The following PVT1 variants were observed in gnomAD, a reference collection of about 807,000 sequenced individuals.
PVT1 encodes CXCR4/PVT1 fusion.
At chr8:127,906,435 T>A (rs1173916635) in intron 3 of PVT1, among the ~76,000 whole-genome samples, 1 of 152,224 alleles carries the variant, frequency 6.6e-6, no homozygotes, top group African/African-American at 2.4e-5. Context: ...GCATTTTACA[T>A]CTTCCTGAGG....
At chr8:128,041,610 G>T (rs1185222491) in intron 4 of PVT1, among the ~76,000 whole-genome samples, 1 of 88,802 alleles carries the variant, frequency 1.1e-5, no homozygotes, top group Non-Finnish European at 2.5e-5. Context: ...ACATGTGTTT[G>T]GTGTGTGTGT....
chr8:127,948,961 T>C (rs1586450733), intron 3 of PVT1, among the ~76,000 whole-genome samples: 1 of 152,200 alleles, frequency 6.6e-6, no homozygotes, highest in African/African-American at 2.4e-5. Context: ...CCTCACAGGC[T>C]GTGGTAAGAG....
chr8:127,957,155 C>G (rs1468102460), intron 3 of PVT1, among the ~76,000 whole-genome samples: 1 of 152,052 alleles, frequency 6.6e-6, no homozygotes, highest in Non-Finnish European at 1.5e-5. Flanking sequence ...AGTCACTTGC[C>G]CCAGGTTGCA....
At chr8:128,097,728 A>T (rs78767029) in intron 6 of PVT1, among the ~76,000 whole-genome samples, 4,225 of 152,268 alleles carry the variant, frequency 0.028, 72 homozygotes, top group Non-Finnish European at 0.035. Context: ...CTGAGAATCT[A>T]TTAAGTAACA....
chr8:127,902,185 C>T (rs1020759865), intron 3 of PVT1, among the ~76,000 whole-genome samples: 7 of 152,088 alleles, frequency 4.6e-5, no homozygotes, highest in African/African-American at 7.2e-5. Context: ...CAGAGACTTT[C>T]CTGGTTTTGG....
At chr8:127,903,655 A>G (rs1815786063) in intron 3 of PVT1, among the ~76,000 whole-genome samples, 2 of 152,186 alleles carry the variant, frequency 1.3e-5, no homozygotes, top group South Asian at 4.1e-4. Context: ...ATAGCCATTT[A>G]TCCCAGCACC....
intron 4 of PVT1, among the ~76,000 whole-genome samples, chr8:128,042,728 T>C (rs925718668): frequency 9.7e-6 from 1 of 103,184 alleles, no homozygotes; most frequent in African/African-American, 3.4e-5. Flanking sequence ...GAGATTGGAC[T>C]AGGTGGTTTA....
intron 2 of PVT1, among the ~76,000 whole-genome samples, chr8:127,825,918 A>T (rs952504553): frequency 6.6e-6 from 1 of 150,990 alleles, no homozygotes; most frequent in Non-Finnish European, 1.5e-5. Flanking sequence ...TCGCACAATC[A>T]TGGTTCATTG....
intron 4 of PVT1, among the ~76,000 whole-genome samples, chr8:127,991,088 G>A (rs1343613436): frequency 2.0e-5 from 3 of 151,536 alleles, no homozygotes; most frequent in Non-Finnish European, 2.9e-5. Flanking sequence ...TATGTCTACA[G>A]CTGACAAGTC....
intron 5 of PVT1, among the ~76,000 whole-genome samples, chr8:128,084,792 G>T (rs542137031): frequency 1.7e-4 from 26 of 152,346 alleles, no homozygotes; most frequent in African/African-American, 6.0e-4. Flanking sequence ...TGCTGGACCA[G>T]TGTTTGAGGT....
chr8:128,099,213 C>T (rs1308280247), intron 6 of PVT1, among the ~76,000 whole-genome samples: 2 of 152,202 alleles, frequency 1.3e-5, no homozygotes, highest in Non-Finnish European at 2.9e-5. Context: ...CATCCCTAGC[C>T]GATATGGAAT....
At chr8:127,921,852 A>ATTTTTT (rs1816062657) in intron 3 of PVT1, among the ~76,000 whole-genome samples, 1 of 82,014 alleles carries the variant, frequency 1.2e-5, no homozygotes, top group Non-Finnish European at 2.5e-5. Flanking sequence ...TTTTTGGTTC[A>ATTTTTT]TGTTTTTTTT....
At chr8:127,970,885 C>T (rs1276820154) in intron 3 of PVT1, among the ~76,000 whole-genome samples, 2 of 152,204 alleles carry the variant, frequency 1.3e-5, no homozygotes, top group Non-Finnish European at 2.9e-5. Flanking sequence ...TAACTGATGT[C>T]ATGGCTGTTA....
chr8:127,977,883 A>G (rs1816838942), intron 3 of PVT1, among the ~76,000 whole-genome samples: 1 of 152,142 alleles, frequency 6.6e-6, no homozygotes, highest in African/African-American at 2.4e-5. Flanking sequence ...TCAACTGTTC[A>G]TCTCCCCTGG....
chr8:127,955,421 C>T (rs887018738), intron 3 of PVT1, among the ~76,000 whole-genome samples: 2 of 152,120 alleles, frequency 1.3e-5, no homozygotes, highest in Admixed American at 1.3e-4. Flanking sequence ...TGGGGCAGTG[C>T]CTCTAACCAA....
intron 3 of PVT1, among the ~76,000 whole-genome samples, chr8:127,978,773 A>G (rs962708164): frequency 5.3e-5 from 8 of 152,170 alleles, no homozygotes; most frequent in South Asian, 2.1e-4. Context: ...GGTGTGAATC[A>G]CCGCACCCGG....
chr8:128,050,067 T>A (rs548756526), intron 4 of PVT1, among the ~76,000 whole-genome samples: 23 of 152,318 alleles, frequency 1.5e-4, no homozygotes, highest in Admixed American at 1.2e-3. Flanking sequence ...CTTTCCCTCC[T>A]GAGTTTTGGG....
chr8:127,882,562 C>A (rs1196374067), intron 2 of PVT1, among the ~76,000 whole-genome samples: 1 of 152,086 alleles, frequency 6.6e-6, no homozygotes, highest in Non-Finnish European at 1.5e-5. Context: ...CGGCTCACTG[C>A]AACCTCCGCC....
At chr8:128,084,578 T>C (rs1301180338) in intron 5 of PVT1, among the ~76,000 whole-genome samples, 1 of 152,238 alleles carries the variant, frequency 6.6e-6, no homozygotes, top group East Asian at 1.9e-4. Flanking sequence ...AGGTATCGTT[T>C]TGTTCATCAA....
Sources: allele counts gnomAD v4.1 joint callset (sites outside exome capture counted in the v4.1 genomes callset), GRCh38; gene constraint gnomAD v4.1.1; transcripts MANE v1.5; gene names NCBI Gene and HGNC (gene_info 2026-07-23, HGNC 2026-07-21).